The following EPRS1 variants were observed in gnomAD, a reference collection of about 807,000 sequenced individuals.
EPRS1 encodes bifunctional glutamate/proline--tRNA ligase.
EPRS1 carries 107 observed loss-of-function variants against 188.3 expected under a neutral mutation model. The ratio of observed to expected loss-of-function variants is 0.57; its 90% CI spans 0.49 to 0.67. EPRS1 has a LOEUF of 0.67. Ranked by LOEUF, EPRS1 falls within the 30% of genes least tolerant of loss-of-function variation. The probability of loss-of-function intolerance (pLI) is 0.00; values close to 1 mark genes in which losing one functional copy is unlikely to be tolerated. For synonymous variants in EPRS1, 596 were observed against 593.1 expected, an observed-to-expected ratio of 1.00 and a Z score of -0.07; for missense variants, 1,577 against 1,802.2, an observed-to-expected ratio of 0.88 and a Z score of 2.26.
intron 23 of EPRS1, among the ~76,000 whole-genome samples, chr1:219,981,732 T>C (rs568828650): frequency 4.9e-4 from 74 of 152,340 alleles, no homozygotes; most frequent in Admixed American, 3.0e-3. Context: ...ACAGTTAATG[T>C]ACTTCGACGG....
At chr1:219,998,909 G>A (rs1661287868) in intron 17 of EPRS1, among the ~76,000 whole-genome samples, 1 of 108,610 alleles carries the variant, frequency 9.2e-6, no homozygotes, top group Non-Finnish European at 1.9e-5. Flanking sequence ...GAACATATGA[G>A]TGTAACACCA....
chr1:219,978,463 C>A (rs1660820198), intron 28 of EPRS1, 83 bp downstream of exon 28: 15 of 917,732 alleles, frequency 1.6e-5, no homozygotes, highest in East Asian at 2.8e-5. Context: ...TAATGAGAAA[C>A]CTCGTTTTAT....
In EPRS1 at chr1:220,046,381, G is replaced by T; in HGVS notation, c.8C>A (p.Thr3Lys). ...TCCTGAATTCACGGTCAGAGAGAGCGTCGCCATCTCCACCAGTCCGCTGGT... is the reference window on the plus strand; with the variant it reads ...TCCTGAATTCACGGTCAGAGAGAGCTTCGCCATCTCCACCAGTCCGCTGGT... MA[T>K]LSLTVNSGDP... The change falls in exon 1 of 32, where the codon ACG becomes AAG. Residue 3 changes from threonine to lysine, a missense_variant. By Grantham distance (78) the Thr-to-Lys change is moderately conservative. Around this residue, in one of 3 missense-constraint regions of EPRS1, gnomAD observed 1,278 missense variants for 1,457.4 expected, o/e 0.88. Transcript: ENST00000366923. The T allele has an allele frequency of 6.2e-7, 1 of 1,614,110 alleles. No individual in the cohort carries two copies. Among genetic ancestry groups the T allele is most frequent in the Non-Finnish European group, 8.5e-7 (1 of 1,180,010 alleles).
chr1:219,982,831 G>A lies in EPRS1; in HGVS notation c.3314C>T (p.Thr1105Ile). ...ADFAPEVAWV[T>I]RSGKTELAEP... ...TGCCAGCTCGGTTTTGCCAGATCTT[G>A]TAACCCAAGCAACCTAGTAAGAAAA... is the stretch of plus-strand genomic sequence containing the variant. Residue 1105 changes from threonine (T) to isoleucine (I), a missense_variant, in exon 23 of 32, where the codon ACA becomes ATA. Thr to Ile is a moderately conservative substitution (Grantham distance 89). Transcript: ENST00000366923. 6.2e-7 allele frequency: 1 copy of A among 1,613,902 alleles called. No homozygotes were observed. Among genetic ancestry groups the A allele is most frequent in the Non-Finnish European group, 8.5e-7 (1 of 1,179,878 alleles).
At chr1:220,005,751 G>GT (rs1182959070) in intron 15 of EPRS1, among the ~76,000 whole-genome samples, 2 of 151,112 alleles carry the variant, frequency 1.3e-5, no homozygotes, top group African/African-American at 4.9e-5. Context: ...TTGTCCTCAG[G>GT]TAAGTTACTC....
chr1:219,981,442 T>C lies in EPRS1; in HGVS notation c.3389A>G (p.Tyr1130Cys), dbSNP rs1449728691. ...PTSETVMYPA[Y>C]AKWVQSHRDL... ...TCTGTGTGACTGTACCCATTTTGCA[T>C]ATGCAGGATACATTACTGAAAGACA... Residue 1130 changes from tyrosine (Y) to cysteine (C), a missense_variant, in exon 24 of 32, where the codon TAT becomes TGT. Tyr to Cys is a radical substitution (Grantham distance 194). Transcript: ENST00000366923. The C allele has an allele frequency of 4.4e-6, 7 of 1,601,770 alleles. No individual in the cohort carries two copies. Among genetic ancestry groups the C allele is most frequent in the Non-Finnish European group, 6.0e-6 (7 of 1,172,628 alleles).
At chr1:220,026,773 GC>G (rs1337061325) in intron 6 of EPRS1, among the ~76,000 whole-genome samples, 2 of 151,556 alleles carry the variant, frequency 1.3e-5, no homozygotes, top group African/African-American at 4.8e-5. Context: ...CTTGTGACCC[GC>G]CTGCCTCGGC....
At chr1:219,979,110 G>A (rs147660516) in intron 27 of EPRS1, among the ~76,000 whole-genome samples, 186 of 152,272 alleles carry the variant, frequency 1.2e-3, no homozygotes, top group African/African-American at 4.3e-3. Context: ...CCGCCTTGGC[G>A]TCCCACAGTG....
intron 5 of EPRS1, among the ~76,000 whole-genome samples, chr1:220,032,081 C>CT (rs201689235): frequency 0.025 from 3,606 of 146,502 alleles, 73 homozygotes; most frequent in East Asian, 0.07. Context: ...GAAATGTCAT[C>CT]TTTTTTTTTT....
chr1:220,017,903 C>G (rs571102254), intron 12 of EPRS1, among the ~76,000 whole-genome samples: 2 of 152,186 alleles, frequency 1.3e-5, no homozygotes, highest in East Asian at 1.9e-4. Flanking sequence ...TCTCAGCACA[C>G]AAGGGAATGG....
Position 219,983,994 on chromosome 1 carries a change from A to AG in EPRS1, c.3090+211_3090+212insC, listed in dbSNP as rs1319099892. ...CCTTTATCTCACCTAAAAAAAAAAA[A>AG]TCAATCACTATCTCATGGTACTGCT... On this transcript the variant is annotated intron_variant, in intron 21 of 31. Coordinates refer to ENST00000366923, the MANE Select transcript of EPRS1 (RefSeq NM_004446.3). 9.2e-5 allele frequency among the ~76,000 whole-genome samples: 14 copies of AG among 152,088 alleles called. 1 individual carries two copies. Among genetic ancestry groups the AG allele is most frequent in the Admixed American group, 5.9e-4 (9 of 15,284 alleles).
intron 17 of EPRS1, 42 bp downstream of exon 17, chr1:220,001,096 A>G (rs1377064623): frequency 9.3e-7 from 1 of 1,070,772 alleles, no homozygotes; most frequent in African/African-American, 1.6e-5. Flanking sequence ...CTGGGATAGA[A>G]AGACCATTTA....
At chr1:220,001,084 C>A (rs1661340392) in intron 17 of EPRS1, 54 bp downstream of exon 17, 2 of 968,006 alleles carry the variant, frequency 2.1e-6, no homozygotes, top group South Asian at 1.3e-5. Flanking sequence ...ATATTCTAAA[C>A]CCTGGGATAG....
At chr1:219,980,335 A>G (rs890056202) in intron 25 of EPRS1, 95 bp from the exon 26 acceptor site, 22 of 919,918 alleles carry the variant, frequency 2.4e-5, no homozygotes, top group Admixed American at 1.4e-4. Context: ...TTGTGTGGGA[A>G]AAGCAATCTG....
chr1:220,027,957 T>C (rs911229162), intron 6 of EPRS1, among the ~76,000 whole-genome samples: 9 of 151,916 alleles, frequency 5.9e-5, no homozygotes, highest in African/African-American at 2.2e-4. Context: ...AAGGATGGAG[T>C]TTAATAACAT....
intron 18 of EPRS1, among the ~76,000 whole-genome samples, chr1:219,995,333 TA>T (rs1222283842): frequency 6.6e-6 from 1 of 152,230 alleles, no homozygotes; most frequent in Non-Finnish European, 1.5e-5. Context: ...CTTCTGTTAC[TA>T]TTCCACCCAT....
rs549201564 is a variant in EPRS1 at position 220,007,262 on chromosome 1, G to A, written c.1682C>T (p.Ser561Leu). The change falls in exon 14 of 32, where the codon TCG becomes TTG. Residue 561 changes from serine (S) to leucine (L), a missense_variant. Ser to Leu is a moderately radical substitution (Grantham distance 145). Coordinates refer to ENST00000366923, the MANE Select transcript of EPRS1 (RefSeq NM_004446.3). ...TATAAATGTAACCATCTCACCCTCCGAAAAAGTCTCTGCATCAGCACCTTC... is the reference window on the plus strand; with the variant it reads ...TATAAATGTAACCATCTCACCCTCCAAAAAAGTCTCTGCATCAGCACCTTC... ...FIEGADAETFSEGEMVTFINW... is the reference protein window; with the variant it reads ...FIEGADAETFLEGEMVTFINW... 23 of 1,613,714 alleles carry A rather than the reference G, an allele frequency of 1.4e-5. No homozygotes were observed. The highest frequency in any genetic ancestry group is 8.9e-5 in the East Asian group (4 of 44,838).
chr1:220,017,946 G>A (rs1661754634), intron 12 of EPRS1, among the ~76,000 whole-genome samples: 1 of 152,116 alleles, frequency 6.6e-6, no homozygotes, highest in African/African-American at 2.4e-5. Context: ...ATTCCCCTTG[G>A]CACTAAGAAA....
intron 15 of EPRS1, among the ~76,000 whole-genome samples, chr1:220,005,657 T>A (rs1401991284): frequency 6.6e-6 from 1 of 152,146 alleles, no homozygotes; most frequent in Admixed American, 6.6e-5. Flanking sequence ...GCAAGAAGCA[T>A]GTAATAGACT....
Sources: gnomAD v4.1 joint callset for allele counts (sites outside exome capture counted in the v4.1 genomes callset) on GRCh38, gnomAD v4.1.1 for gene constraint, gnomAD v4.1.1 regional missense constraint, MANE v1.5 for transcripts, NCBI Gene and HGNC (gene_info 2026-07-23, HGNC 2026-07-21) for gene names.